The following CLEC2B variants were observed in gnomAD, a reference collection of about 807,000 sequenced individuals.
The protein encoded by CLEC2B is C-type (calcium dependent, carbohydrate-recognition domain) lectin, superfamily member 2 (activation-induced).
A neutral mutation model predicts 16.2 loss-of-function variants in CLEC2B; 14 were observed. The observed-to-expected ratio is 0.86, with a 90% confidence interval of 0.57 to 1.35. The LOEUF is 1.35. CLEC2B is among the 40% of genes most tolerant of loss of function. CLEC2B has a pLI of 0.00. For synonymous variants in CLEC2B, 42 were observed against 55.8 expected, an observed-to-expected ratio of 0.75 and a Z score of 1.10; for missense variants, 166 against 182.3, an observed-to-expected ratio of 0.91 and a Z score of 0.52.
At chr12:9,856,520 A>G (rs903870284) in intron 3 of CLEC2B, among the ~76,000 whole-genome samples, 4 of 151,982 alleles carry the variant, frequency 2.6e-5, no homozygotes, top group African/African-American at 7.2e-5. Flanking sequence ...ACTGACCTAT[A>G]AATTGGCTCT....
intron 2 of CLEC2B, among the ~76,000 whole-genome samples, chr12:9,857,910 T>G (rs554057936): frequency 6.6e-6 from 1 of 152,218 alleles, no homozygotes; most frequent in East Asian, 1.9e-4. Flanking sequence ...TTGTGTAGGT[T>G]ACCGTTACCA....
intron 2 of CLEC2B, 49 bp from the exon 3 acceptor site, chr12:9,857,686 C>G (rs1293556303): frequency 1.4e-6 from 2 of 1,393,152 alleles, no homozygotes; most frequent in Non-Finnish European, 2.0e-6. Flanking sequence ...GAATAATATG[C>G]TACTGTGTTT....
At position 9,854,422 on chromosome 12, in the gene CLEC2B, A is replaced by T. The variant is rs151158406; in HGVS notation, c.300T>A (p.Asn100Lys). Residue 100 changes from asparagine to lysine, a missense_variant, in exon 4 of 5, where the codon AAT becomes AAA. Coordinates refer to ENST00000228438, the MANE Select transcript of CLEC2B (RefSeq NM_005127.3). Reference protein sequence around the residue: ...DHWIGLKMAKNRTGQWVDGAT... With the variant: ...DHWIGLKMAKKRTGQWVDGAT... ...CTCCATCTACCCATTGTCCTGTTCG[A>T]TTTTTTGCCATCTTCAGTCCAATCC... The T allele has an allele frequency of 4.3e-5, 70 of 1,613,736 alleles. No individual in the cohort carries two copies. The African/African-American group carries it at 8.5e-4, about 20-fold the overall frequency.
At position 9,854,680 on chromosome 12, in the gene CLEC2B, T is replaced by C. The variant is rs933480985; in HGVS notation, c.238-196A>G. 4.0e-5 allele frequency: 21 copies of C among 523,748 alleles called. No individual in the cohort carries two copies. The Middle Eastern group carries it at 1.9e-3, about 47-fold the overall frequency. 32.4% of individuals were successfully genotyped at this position (523,748 alleles called of 1,614,324 possible). On this transcript the variant is annotated intron_variant, in intron 3 of 4. Transcript: ENST00000228438. ...TTCAGTTTTTTTTGTGAAACAAATA[T>C]GTTAGATACATTTTCTTTAGATATG... is the stretch of plus-strand genomic sequence containing the variant.
At chr12:9,868,580 T>C (rs755371377) in intron 1 of CLEC2B, among the ~76,000 whole-genome samples, 1 of 152,136 alleles carries the variant, frequency 6.6e-6, no homozygotes. Context: ...TAAACCCTGT[T>C]GAAATCTCAA....
At chr12:9,862,679 A>C in intron 1 of CLEC2B, 106 bp from the exon 2 acceptor site, 1 of 947,390 alleles carries the variant, frequency 1.1e-6, no homozygotes, top group Non-Finnish European at 1.4e-6. Context: ...ACAAAATATT[A>C]GTGCTGTGAT....
chr12:9,867,958 T>C (rs1280664094), intron 1 of CLEC2B, among the ~76,000 whole-genome samples: 1 of 151,830 alleles, frequency 6.6e-6, no homozygotes, highest in African/African-American at 2.4e-5. Context: ...AAAAAAATCA[T>C]AAAATACTGA....
intron 1 of CLEC2B, among the ~76,000 whole-genome samples, chr12:9,867,668 T>C (rs1597097): frequency 0.45 from 68,013 of 151,982 alleles, 15,375 homozygotes; most frequent in East Asian, 0.54. Flanking sequence ...TTCAAAGTTG[T>C]TGAGCCTTCT....
chr12:9,868,361 C>T (rs532464938), intron 1 of CLEC2B, among the ~76,000 whole-genome samples: 1 of 152,030 alleles, frequency 6.6e-6, no homozygotes, highest in Non-Finnish European at 1.5e-5. Flanking sequence ...AATTATAAAA[C>T]CGGTTAAAAT....
intron 1 of CLEC2B, among the ~76,000 whole-genome samples, chr12:9,867,976 A>G (rs1867984582): frequency 6.6e-6 from 1 of 151,900 alleles, no homozygotes; most frequent in Non-Finnish European, 1.5e-5. Context: ...TGATAAGCAG[A>G]GCAAATAAAA....
chr12:9,866,139 G>A (rs1174716055), intron 1 of CLEC2B, among the ~76,000 whole-genome samples: 1 of 152,034 alleles, frequency 6.6e-6, no homozygotes, highest in African/African-American at 2.4e-5. Context: ...GAAAAAAGAA[G>A]TGTTAAAAAA....
intron 1 of CLEC2B, among the ~76,000 whole-genome samples, chr12:9,866,028 T>C (rs558967333): frequency 7.9e-5 from 12 of 151,996 alleles, no homozygotes; most frequent in Non-Finnish European, 1.5e-4. Context: ...TTTATAGTAA[T>C]AAATGCCTTT....
intron 3 of CLEC2B, among the ~76,000 whole-genome samples, chr12:9,856,389 A>T (rs903556040): frequency 1.3e-5 from 2 of 152,092 alleles, no homozygotes; most frequent in African/African-American, 4.8e-5. Context: ...TGACTACAGA[A>T]GCCCTTCCTA....
chr12:9,857,885 A>G (rs1465748614), intron 2 of CLEC2B, among the ~76,000 whole-genome samples: 1 of 152,106 alleles, frequency 6.6e-6, no homozygotes. Flanking sequence ...CCAGGAGCCA[A>G]CAGAATTATT....
chr12:9,862,176 A>G (rs1044558863), intron 2 of CLEC2B, among the ~76,000 whole-genome samples: 2 of 152,094 alleles, frequency 1.3e-5, no homozygotes, highest in Non-Finnish European at 1.5e-5. Flanking sequence ...TATGTATTTA[A>G]ATTTGATTAT....
At chr12:9,867,852 T>C (rs1183720634) in intron 1 of CLEC2B, among the ~76,000 whole-genome samples, 2 of 152,074 alleles carry the variant, frequency 1.3e-5, no homozygotes, top group African/African-American at 4.8e-5. Flanking sequence ...TGTTTTCTGT[T>C]TGATTCTGCT....
Position 9,853,311 on chromosome 12 carries a change from T to C in CLEC2B, c.439A>G (p.Arg147Gly), listed in dbSNP as rs914310982. The C allele has an allele frequency of 1.9e-6, 3 of 1,609,804 alleles. No homozygotes were observed. Among genetic ancestry groups the C allele is most frequent in the Middle Eastern group, 1.7e-4 (1 of 6,054 alleles). The stretch of plus-strand genomic sequence containing the variant: ...TCTTAGACATTAACTTAGTGTATTC[T>C]TTTCCTGCAAATCCATTTTCTTTCG... ...YTERKWICRK[R>G]IH Residue 147 changes from arginine (R) to glycine (G), a missense_variant, in exon 5 of 5, where the codon AGA becomes GGA. Coordinates refer to ENST00000228438, the MANE Select transcript of CLEC2B (RefSeq NM_005127.3).
chr12:9,863,379 A>C (rs550542468), intron 1 of CLEC2B, among the ~76,000 whole-genome samples: 1 of 152,318 alleles, frequency 6.6e-6, no homozygotes, highest in South Asian at 2.1e-4. Flanking sequence ...AAATCCTTCA[A>C]CACAAAGACA....
At chr12:9,861,049 G>T (rs1007400298) in intron 2 of CLEC2B, among the ~76,000 whole-genome samples, 1 of 151,886 alleles carries the variant, frequency 6.6e-6, no homozygotes, top group Non-Finnish European at 1.5e-5. Flanking sequence ...TTCTTAGAAT[G>T]AAAAATATAG....
Sources: gnomAD v4.1 joint callset for allele counts (sites outside exome capture counted in the v4.1 genomes callset) on GRCh38, gnomAD v4.1.1 for gene constraint, MANE v1.5 for transcripts, NCBI Gene and HGNC (gene_info 2026-07-23, HGNC 2026-07-21) for gene names.